The following UBE4B variants were observed in gnomAD, a reference collection of about 807,000 sequenced individuals.
UBE4B encodes ubiquitin conjugation factor E4 B.
Under a neutral mutation model 148.1 loss-of-function variants are expected in UBE4B, and 27 were observed. That is an observed-to-expected ratio of 0.18 (90% CI 0.13 to 0.25). The LOEUF (loss-of-function observed/expected upper bound fraction) is 0.25. Ranked by LOEUF, UBE4B falls within the 10% of genes least tolerant of loss-of-function variation. UBE4B has a pLI of 1.00. For synonymous variants in UBE4B, 596 were observed against 619.3 expected (o/e 0.96, Z 0.56); for missense variants, 1,170 against 1,662.4 (o/e 0.70, Z 5.15).
chr1:10,090,405 GC>G (rs1291544083), intron 2 of UBE4B, among the ~76,000 whole-genome samples: 5 of 152,162 alleles, frequency 3.3e-5, no homozygotes, highest in African/African-American at 1.2e-4. Context: ...ATAGGCGTGA[GC>G]CACCATGCCT....
chr1:10,157,052 G>T (rs1203308987), intron 21 of UBE4B, among the ~76,000 whole-genome samples: 2 of 152,084 alleles, frequency 1.3e-5, no homozygotes, highest in Admixed American at 1.3e-4. Context: ...GTCTTGCTTT[G>T]TCGCCCAGGC....
intron 2 of UBE4B, among the ~76,000 whole-genome samples, chr1:10,076,865 GCCT>G (rs1449894013): frequency 4.0e-5 from 6 of 148,454 alleles, no homozygotes; most frequent in Admixed American, 2.7e-4. Context: ...TCCTACCTCA[GCCT>G]CCCGATTAGC....
At chr1:10,129,217 G>A in intron 11 of UBE4B, 175 bp from the exon 12 acceptor site, 1 of 518,760 alleles carries the variant, frequency 1.9e-6, no homozygotes, top group Non-Finnish European at 3.5e-6. Flanking sequence ...CATTGCATGT[G>A]TTTTAGTTTA....
chr1:10,175,550 C>G (rs1309140418), intron 25 of UBE4B, among the ~76,000 whole-genome samples: 8 of 151,974 alleles, frequency 5.3e-5, no homozygotes. Flanking sequence ...ACTCGGGAGG[C>G]TGAGGCAGGA....
At chr1:10,143,258 C>G (rs1275312365) in intron 17 of UBE4B, among the ~76,000 whole-genome samples, 1 of 152,130 alleles carries the variant, frequency 6.6e-6, no homozygotes, top group Admixed American at 6.6e-5. Context: ...ATAAGTTAGC[C>G]AGGCCTGGTG....
At chr1:10,044,818 A>C (rs2101781005) in intron 1 of UBE4B, among the ~76,000 whole-genome samples, 1 of 152,162 alleles carries the variant, frequency 6.6e-6, no homozygotes, top group South Asian at 2.1e-4. Context: ...CCTGAGCTCA[A>C]GCAGTCCACC....
intron 2 of UBE4B, among the ~76,000 whole-genome samples, chr1:10,091,097 C>G (rs565607108): frequency 6.6e-6 from 1 of 152,298 alleles, no homozygotes; most frequent in East Asian, 1.9e-4. Flanking sequence ...TTTCTCCATT[C>G]TGTGTTACAC....
At chr1:10,124,260 C>T (rs1355160598) in intron 10 of UBE4B, among the ~76,000 whole-genome samples, 1 of 152,014 alleles carries the variant, frequency 6.6e-6, no homozygotes, top group Admixed American at 6.6e-5. Context: ...CTTCTGGGTT[C>T]GAGCGATTCT....
intron 26 of UBE4B, 190 bp downstream of exon 26, chr1:10,179,008 G>A (rs1646467417): frequency 1.6e-6 from 1 of 615,034 alleles, no homozygotes; most frequent in East Asian, 3.2e-5. Context: ...AACATCCTTA[G>A]CTTAGCCTGA....
intron 25 of UBE4B, among the ~76,000 whole-genome samples, chr1:10,175,389 C>T (rs373793372): frequency 7.4e-4 from 113 of 152,238 alleles, no homozygotes; most frequent in Admixed American, 2.0e-3. Flanking sequence ...CAGTGGCTCA[C>T]GCCTGTAATC....
At chr1:10,047,535 C>T (rs982288664) in intron 1 of UBE4B, among the ~76,000 whole-genome samples, 5 of 148,968 alleles carry the variant, frequency 3.4e-5, no homozygotes, top group African/African-American at 1.3e-4. Context: ...ACTCTTTGCC[C>T]AGGCTGGAGT....
intron 25 of UBE4B, among the ~76,000 whole-genome samples, chr1:10,172,254 C>T (rs1023451098): frequency 5.3e-5 from 8 of 152,228 alleles, no homozygotes; most frequent in Non-Finnish European, 1.0e-4. Flanking sequence ...GGGCTGGCCC[C>T]CTCCATGGTC....
At chr1:10,059,054 A>AC (rs1221509483) in intron 1 of UBE4B, 1 of 151,770 alleles carries the variant, frequency 6.6e-6, no homozygotes, top group Non-Finnish European at 1.5e-5. Flanking sequence ...ACATGGTGAA[A>AC]CCCCCTCTCT....
intron 2 of UBE4B, among the ~76,000 whole-genome samples, chr1:10,090,793 T>TGTG (rs1644835442): frequency 2.1e-5 from 3 of 141,510 alleles, no homozygotes; most frequent in South Asian, 4.7e-4. Context: ...GCCTATGCAT[T>TGTG]TGTGTGTGTG....
intron 1 of UBE4B, among the ~76,000 whole-genome samples, chr1:10,061,912 CTTTT>C (rs767477329): frequency 1.4e-5 from 2 of 138,260 alleles, no homozygotes; most frequent in East Asian, 4.2e-4. Flanking sequence ...CTTCTTTTTT[CTTTT>C]TTTTTTTTTT....
intron 17 of UBE4B, among the ~76,000 whole-genome samples, chr1:10,141,811 A>G (rs1645787189): frequency 6.6e-6 from 1 of 152,122 alleles, no homozygotes; most frequent in African/African-American, 2.4e-5. Flanking sequence ...GGCTCAGGGA[A>G]TTTAGAGATT....
intron 25 of UBE4B, among the ~76,000 whole-genome samples, chr1:10,176,134 G>A (rs1278837609): frequency 1.3e-5 from 2 of 152,090 alleles, no homozygotes; most frequent in African/African-American, 4.8e-5. Context: ...CCTTCACTTA[G>A]CATCATGTTT....
In UBE4B at chr1:10,072,076, C is replaced by T; in HGVS notation, c.73C>T (p.Pro25Ser). 1 of 1,612,214 alleles carries T rather than the reference C, an allele frequency of 6.2e-7. No individual in the cohort carries two copies. Among genetic ancestry groups the T allele is most frequent in the Non-Finnish European group, 8.5e-7 (1 of 1,179,268 alleles). ...ARLAGGQTSQ[P>S]TTPLTSPQRE... ...ACTTGCTGGTGGACAGACCTCTCAG[C>T]CAACCACCCCACTCACCTCTCCCCA... Residue 25 changes from proline to serine, a missense_variant, in exon 2 of 28, where the codon CCA becomes TCA. Around this residue, in one of 6 missense-constraint regions of UBE4B, gnomAD observed 127 missense variants for 153.2 expected, o/e 0.83. Coordinates refer to ENST00000343090, the MANE Select transcript of UBE4B (RefSeq NM_001105562.3).
At chr1:10,141,954 G>A (rs1255344941) in intron 17 of UBE4B, among the ~76,000 whole-genome samples, 1 of 152,150 alleles carries the variant, frequency 6.6e-6, no homozygotes, top group Non-Finnish European at 1.5e-5. Flanking sequence ...TTGTAGAACT[G>A]GAGCTGCTCC....
Sources: allele counts gnomAD v4.1 joint callset (sites outside exome capture counted in the v4.1 genomes callset), GRCh38; gene constraint gnomAD v4.1.1; regional missense constraint gnomAD v4.1.1; transcripts MANE v1.5; gene names NCBI Gene and HGNC (gene_info 2026-07-23, HGNC 2026-07-21).